ASPM: variants seen among roughly 807,000 people sequenced by gnomAD.
ASPM encodes the protein assembly factor for spindle microtubules.
In ASPM, 256 loss-of-function variants were observed where a neutral mutation model predicts 366.4. That is an observed-to-expected ratio of 0.70 (90% CI 0.63 to 0.77). ASPM has a LOEUF of 0.77. ASPM is among the 30% of genes least tolerant of loss of function. ASPM has a pLI of 0.00. For missense variants in ASPM, 4,146 were observed against 4,090.4 expected (o/e 1.01, Z -0.37); for synonymous variants, 1,414 against 1,342.9 (o/e 1.05, Z -1.16).
chr1:197,132,213 TA>T (rs1303649458), intron 7 of ASPM, 71 bp downstream of exon 7: 2 of 1,182,262 alleles, frequency 1.7e-6, no homozygotes, highest in East Asian at 2.6e-5. Flanking sequence ...TACATTGTAA[TA>T]AAATGAGTCT....
chr1:197,115,831 C>G (rs1213304784), intron 17 of ASPM, among the ~76,000 whole-genome samples: 1 of 152,152 alleles, frequency 6.6e-6, no homozygotes, highest in African/African-American at 2.4e-5. Flanking sequence ...TTATAGTGTA[C>G]AGTCAGAGTA....
Position 197,101,012 on chromosome 1 carries a change from C to G in ASPM, c.8239G>C (p.Ala2747Pro). Residue 2747 changes from alanine to proline, a missense_variant, in exon 18 of 28, where the codon GCT becomes CCT. By Grantham distance (27) the Ala-to-Pro change is conservative. Around this residue, in one of 3 missense-constraint regions of ASPM, gnomAD observed 3,624 missense variants for 3,591.7 expected, o/e 1.01. Transcript: ENST00000367409. ...CTAACTTTCATGCCTCTAAAAGCAG[C>G]CTGAATAGTTCGTACAGATTTCTGA... Reference protein sequence around the residue: ...AVQKSVRTIQAAFRGMKVRQK... With the variant: ...AVQKSVRTIQPAFRGMKVRQK... 6.2e-7 allele frequency: 1 copy of G among 1,612,314 alleles called. No individual in the cohort carries two copies. The highest frequency in any genetic ancestry group is 8.5e-7 in the Non-Finnish European group (1 of 1,179,088).
chr1:197,137,488 C>T (rs1658453781), intron 4 of ASPM, among the ~76,000 whole-genome samples: 1 of 152,172 alleles, frequency 6.6e-6, no homozygotes, highest in Non-Finnish European at 1.5e-5. Flanking sequence ...CATGGTGGCT[C>T]ATACCAGGTG....
In ASPM at chr1:197,102,242, C is replaced by T. The variant is rs578179946; in HGVS notation, c.7009G>A (p.Ala2337Thr). The change falls in exon 18 of 28, where the codon GCT becomes ACT. Residue 2337 changes from alanine (A) to threonine (T), a missense_variant. By Grantham distance (58) the Ala-to-Thr change is moderately conservative. Transcript: ENST00000367409. ...AAAGTAGACTGGATGAAAGTAGCAG[C>T]CCTGTGCATCTCTCGCATCCTTTTC... Reference protein sequence around the residue: ...IRKRMREMHRAATFIQSTFRM... With the variant: ...IRKRMREMHRTATFIQSTFRM... 3 of 1,612,780 alleles carry T rather than the reference C, an allele frequency of 1.9e-6. No homozygotes were observed. The South Asian group carries it at 3.3e-5, about 18-fold the overall frequency.
chr1:197,123,798 G>C (rs1657991070), intron 13 of ASPM, among the ~76,000 whole-genome samples: 1 of 152,084 alleles, frequency 6.6e-6, no homozygotes, highest in Non-Finnish European at 1.5e-5. Flanking sequence ...TTCTGAATGT[G>C]GGCTTATTTG....
At chr1:197,093,332 T>A in intron 20 of ASPM, 71 bp from the exon 21 acceptor site, 2 of 1,218,688 alleles carry the variant, frequency 1.6e-6, no homozygotes, top group Non-Finnish European at 2.4e-6. Context: ...TAGAAGTTCT[T>A]GAATTTCTCA....
chr1:197,138,983 C>A, intron 4 of ASPM: 1 of 723,762 alleles, frequency 1.4e-6, no homozygotes. Context: ...TTCAACTCTT[C>A]TTCTCTCTGA....
At chr1:197,121,580 A>G (rs1657906038) in intron 16 of ASPM, among the ~76,000 whole-genome samples, 1 of 152,168 alleles carries the variant, frequency 6.6e-6, no homozygotes, top group South Asian at 2.1e-4. Context: ...TGCTCTCCAG[A>G]GGCAGGTTAG....
At chr1:197,117,283 TA>T (rs1404536479) in intron 17 of ASPM, among the ~76,000 whole-genome samples, 7 of 151,936 alleles carry the variant, frequency 4.6e-5, no homozygotes, top group African/African-American at 1.7e-4. Flanking sequence ...CTAATTTACA[TA>T]GATGTAAAGA....
chr1:197,084,513 G>C, intron 27 of ASPM, 87 bp from the exon 28 acceptor site: 1 of 865,610 alleles, frequency 1.2e-6, no homozygotes, highest in South Asian at 1.4e-5. Context: ...CTAAATTGTA[G>C]CTACTCCTGA....
In ASPM at chr1:197,145,097, T is replaced by C. The variant is rs189242692; in HGVS notation, c.298-997A>G. 3.3e-5 allele frequency among the ~76,000 whole-genome samples: 5 copies of C among 152,246 alleles called. No individual in the cohort carries two copies. The East Asian group carries it at 9.6e-4, about 29-fold the overall frequency. On this transcript the variant is annotated intron_variant, in intron 1 of 27. Coordinates refer to ENST00000367409, the MANE Select transcript of ASPM (RefSeq NM_018136.5). Reference sequence around the variant, plus strand: ...GGGTAGGTTCTGAAGTGTAGATAGATGAACCATTGGTGACACACAAGTTAA... The same window carrying C: ...GGGTAGGTTCTGAAGTGTAGATAGACGAACCATTGGTGACACACAAGTTAA...
chr1:197,092,952 G>C, intron 21 of ASPM, 100 bp downstream of exon 21: 1 of 1,031,122 alleles, frequency 9.7e-7, no homozygotes, highest in Non-Finnish European at 1.5e-6. Context: ...GGTCATATTA[G>C]TTCTGAAATT....
chr1:197,089,788 A>C (rs1656717090), intron 25 of ASPM, 142 bp downstream of exon 25: 1 of 751,642 alleles, frequency 1.3e-6, no homozygotes, highest in African/African-American at 1.8e-5. Flanking sequence ...TATGTTAATA[A>C]ACATTTTTTC....
At chr1:197,106,457 C>A (rs1657412164) in intron 17 of ASPM, among the ~76,000 whole-genome samples, 1 of 151,944 alleles carries the variant, frequency 6.6e-6, no homozygotes, top group Non-Finnish European at 1.5e-5. Context: ...TATTATTTTT[C>A]TTTTGAGCAC....
chr1:197,107,272 C>T lies in ASPM; in HGVS notation c.4066-2087G>A, dbSNP rs187882188. 1.9e-3 allele frequency among the ~76,000 whole-genome samples: 289 copies of T among 152,176 alleles called. 1 individual carries two copies. The highest frequency in any genetic ancestry group is 6.7e-3 in the African/African-American group (279 of 41,542). On this transcript the variant is annotated intron_variant, in intron 17 of 27. Transcript: ENST00000367409. ...TAAGAATTGAATAAGATACAGATCA[C>T]AATCTAGATCCCAGACTGGCTACTG...
At chr1:197,123,245 C>CA (rs1314047597) in intron 13 of ASPM, among the ~76,000 whole-genome samples, 1 of 151,832 alleles carries the variant, frequency 6.6e-6, no homozygotes, top group African/African-American at 2.4e-5. Context: ...CACAAAAATG[C>CA]AAAAAAGTAC....
chr1:197,140,011 C>A, intron 3 of ASPM, 140 bp from the exon 4 acceptor site: 1 of 626,472 alleles, frequency 1.6e-6, no homozygotes, highest in Non-Finnish European at 2.9e-6. Flanking sequence ...ACTCCACGCA[C>A]TAATGCTATG....
Position 197,103,984 on chromosome 1 carries a change from A to T in ASPM, c.5267T>A (p.Ile1756Asn). The T allele has an allele frequency of 5.0e-6, 8 of 1,612,518 alleles. No individual in the cohort carries two copies. Among genetic ancestry groups the T allele is most frequent in the Non-Finnish European group, 6.8e-6 (8 of 1,179,374 alleles). The change falls in exon 18 of 28, where the codon ATT becomes AAT. Residue 1756 changes from isoleucine to asparagine, a missense_variant. Coordinates refer to ENST00000367409, the MANE Select transcript of ASPM (RefSeq NM_018136.5). ...KQMRLQRKAV[I>N]SLQSYFRMRK... ...CATTCTGAAATAAGACTGTAGTGAA[A>T]TAACAGCTTTTCTTTGTAACCTCAT...
rs537438432 is a variant in ASPM, at chr1:197,138,690, T to A, written c.2026+1077A>T. Reference sequence around the variant, plus strand: ...TCAGATTTAAATGCTACAAATACAATCACAGGAAGCTGGGATGTGAATGAT... The same window carrying A: ...TCAGATTTAAATGCTACAAATACAAACACAGGAAGCTGGGATGTGAATGAT... On this transcript the variant is annotated intron_variant, in intron 4 of 27. Transcript: ENST00000367409. 72 of 625,648 alleles carry A rather than the reference T, an allele frequency of 1.2e-4. No individual in the cohort carries two copies. In the African/African-American group the frequency reaches 1.2e-3, roughly 10 times the overall value. 38.8% of individuals were successfully genotyped at this position (625,648 alleles called of 1,614,324 possible).
Sources: gnomAD v4.1 joint callset for allele counts (sites outside exome capture counted in the v4.1 genomes callset) on GRCh38, gnomAD v4.1.1 for gene constraint, gnomAD v4.1.1 regional missense constraint, MANE v1.5 for transcripts, NCBI Gene and HGNC (gene_info 2026-07-23, HGNC 2026-07-21) for gene names.